The following SLC4A1 variants were observed in gnomAD, a reference collection of about 807,000 sequenced individuals.
The protein encoded by SLC4A1 is solute carrier family 4 member 1 (Diego blood group).
SLC4A1 carries 29 observed loss-of-function variants against 93.1 expected under a neutral mutation model. The ratio of observed to expected loss-of-function variants is 0.31; its 90% CI spans 0.23 to 0.42. The LOEUF is 0.42. SLC4A1 is among the 20% of genes least tolerant of loss of function. SLC4A1 has a pLI of 1.00. For missense variants in SLC4A1, 965 were observed against 1,190.1 expected (o/e 0.81, Z 2.78); for synonymous variants, 469 against 497.2 (o/e 0.94, Z 0.76).
intron 13 of SLC4A1, among the ~76,000 whole-genome samples, chr17:44,256,771 T>C (rs2047392615): frequency 6.6e-6 from 1 of 152,160 alleles, no homozygotes; most frequent in Non-Finnish European, 1.5e-5. Flanking sequence ...TCAGCAAGAG[T>C]GCTGGCCACA....
intron 17 of SLC4A1, among the ~76,000 whole-genome samples, chr17:44,251,894 T>G (rs1221219179): frequency 6.7e-6 from 1 of 149,278 alleles, no homozygotes; most frequent in Non-Finnish European, 1.5e-5. Context: ...CAACCACACC[T>G]GGATCATTTT....
Position 44,258,369 on chromosome 17 carries a change from G to T in SLC4A1, c.1087+44C>A, listed in dbSNP as rs201228471. 2,791 of 1,580,630 alleles carry T rather than the reference G, an allele frequency of 1.8e-3. 2 individuals carry two copies. Among genetic ancestry groups the T allele is most frequent in the Non-Finnish European group, 2.2e-3 (2,572 of 1,149,872 alleles). On this transcript the variant is annotated intron_variant, in intron 10 of 19. Coordinates refer to ENST00000262418, the MANE Select transcript of SLC4A1 (RefSeq NM_000342.4). The surrounding 1 kb of genome is among the most constrained non-coding windows in gnomAD (Gnocchi z 6.1). ...CAGAGGCTACGCTGAGGTGTCTGGG[G>T]GTCGGTGGGGGCTCAGAAAGCCTCA... is the stretch of plus-strand genomic sequence containing the variant.
intron 1 of SLC4A1, among the ~76,000 whole-genome samples, chr17:44,264,355 G>A (rs1200865683): frequency 6.6e-6 from 1 of 152,182 alleles, no homozygotes; most frequent in Non-Finnish European, 1.5e-5. Flanking sequence ...CTACTTGAGA[G>A]GCTGAGGTGG....
intron 1 of SLC4A1, 68 bp from the exon 2 acceptor site, chr17:44,263,002 G>A (rs888442083): frequency 3.0e-6 from 4 of 1,319,986 alleles, no homozygotes; most frequent in Middle Eastern, 2.5e-4. Context: ...TCCTCCAGAG[G>A]GGGCCACATG....
chr17:44,254,355 T>C, intron 16 of SLC4A1, 141 bp downstream of exon 16: 1 of 757,610 alleles, frequency 1.3e-6, no homozygotes. Flanking sequence ...CCCTGGCTTT[T>C]CACTATTCCT....
chr17:44,255,575 A>C (rs1048347591), intron 14 of SLC4A1, 98 bp downstream of exon 14: 27 of 1,284,506 alleles, frequency 2.1e-5, no homozygotes, highest in Admixed American at 1.0e-4. Flanking sequence ...GAATCTGAAA[A>C]AGAAGGGAAG....
In SLC4A1 at chr17:44,260,815, C is replaced by T. The variant is rs764706733; in HGVS notation, c.169G>A (p.Val57Ile). ...HTTSHPGTHKVYVELQELVMD... is the reference protein window; with the variant it reads ...HTTSHPGTHKIYVELQELVMD... Reference sequence around the variant, plus strand: ...ACCAGCTCCTGCAGCTCCACATAGACCTGTGGCCCCATGCGCCTGAGTTAG... The same window carrying T: ...ACCAGCTCCTGCAGCTCCACATAGATCTGTGGCCCCATGCGCCTGAGTTAG... The change falls in exon 5 of 20, where the codon GTC (valine) becomes ATC (isoleucine). Residue 57 changes from valine (V) to isoleucine (I), a missense_variant and splice_region_variant. By Grantham distance (29) the Val-to-Ile change is conservative. Coordinates refer to ENST00000262418, the MANE Select transcript of SLC4A1 (RefSeq NM_000342.4). 1.9e-6 allele frequency: 3 copies of T among 1,611,434 alleles called. No individual in the cohort carries two copies. The highest frequency in any genetic ancestry group is 2.2e-5 in the South Asian group (2 of 91,088).
chr17:44,250,435 G>A lies in SLC4A1; in HGVS notation c.*23C>T, dbSNP rs964390755. ...GTGGGGATGTGGAATGGTGGGGGAG[G>A]GTCTAGGGCCTGGGCCCGCCCCTCA... On this transcript the variant is annotated 3_prime_UTR_variant, in exon 20 of 20. Transcript: ENST00000262418. 3.8e-6 allele frequency: 6 copies of A among 1,586,550 alleles called. No homozygotes were observed. In the Admixed American group the frequency reaches 5.0e-5, roughly 13 times the overall value.
Position 44,255,800 on chromosome 17 carries a change from A to G in SLC4A1, c.1673T>C (p.Leu558Ser). 1 of 1,614,176 alleles carries G rather than the reference A, an allele frequency of 6.2e-7. No individual in the cohort carries two copies. The highest frequency in any genetic ancestry group is 2.2e-5 in the East Asian group (1 of 44,882). The change falls in exon 14 of 20, where the codon TTG becomes TCG. Residue 558 changes from leucine (L) to serine (S), a missense_variant. Physicochemically the swap from Leu to Ser is moderately radical, Grantham distance 145. Around this residue, in one of 2 missense-constraint regions of SLC4A1, gnomAD observed 770 missense variants for 1,006.6 expected, o/e 0.76. Coordinates refer to ENST00000262418, the MANE Select transcript of SLC4A1 (RefSeq NM_000342.4). ...PLQKTYNYNV[L>S]MVPKPQGPLP... ...GGGGCCCTGAGGTTTGGGCACCATC[A>G]ACACGTTGTAGTTATAAGTCTTCTG...
At chr17:44,254,781 T>C in intron 15 of SLC4A1, 119 bp from the exon 16 acceptor site, 3 of 793,730 alleles carry the variant, frequency 3.8e-6, no homozygotes, top group East Asian at 2.7e-5. Context: ...GGGAACTTAC[T>C]TATATTGAGC....
In SLC4A1 at chr17:44,249,980, G is replaced by GT. The variant is rs1329244105; in HGVS notation, c.*477dup. On this transcript the variant is annotated 3_prime_UTR_variant, in exon 20 of 20. Coordinates refer to ENST00000262418, the MANE Select transcript of SLC4A1 (RefSeq NM_000342.4). ...GAGTTTACAAAGCCCTATTTTACAT[G>GT]TATCTTTGGTCCTCAGTAACCATCC... 1 of 199,290 alleles carries GT rather than the reference G, an allele frequency of 5.0e-6. No individual in the cohort carries two copies. Among genetic ancestry groups the GT allele is most frequent in the Non-Finnish European group, 1.0e-5 (1 of 95,638 alleles). 12.3% of individuals were successfully genotyped at this position (199,290 alleles called of 1,614,324 possible). A position where few individuals can be genotyped will look rare whatever the true frequency, so the allele number is the denominator to read the frequency against.
intron 6 of SLC4A1, among the ~76,000 whole-genome samples, 172 bp downstream of exon 6, chr17:44,260,232 A>G (rs2144619525): frequency 6.6e-6 from 1 of 152,334 alleles, no homozygotes; most frequent in African/African-American, 2.4e-5. Flanking sequence ...CTCTGAGCAT[A>G]GGACATGGCC....
In SLC4A1 at chr17:44,249,830, A is replaced by C. The variant is rs1598294381; in HGVS notation, c.*628T>G. On this transcript the variant is annotated 3_prime_UTR_variant, in exon 20 of 20. Transcript: ENST00000262418. The stretch of plus-strand genomic sequence containing the variant: ...TGGACGCATGACTGACAGAGGACAG[A>C]GCTCGGACCTTGAAATCAGAAGGCC... 6.4e-6 allele frequency: 1 copy of C among 157,062 alleles called. No homozygotes were observed. Among genetic ancestry groups the C allele is most frequent in the East Asian group, 1.9e-4 (1 of 5,272 alleles). 9.7% of individuals were successfully genotyped at this position (157,062 alleles called of 1,614,324 possible). A position where few individuals can be genotyped will look rare whatever the true frequency, so the allele number is the denominator to read the frequency against.
chr17:44,252,214 C>T (rs1266479091), intron 17 of SLC4A1, among the ~76,000 whole-genome samples: 1 of 151,994 alleles, frequency 6.6e-6, no homozygotes, highest in Non-Finnish European at 1.5e-5. Context: ...CGACACCACG[C>T]CCAGCTGATT....
At position 44,261,638 on chromosome 17, in the gene SLC4A1, T is replaced by C. The variant is rs747232478; in HGVS notation, c.107-2A>G. Reference sequence around the variant, plus strand: ...TGGCTGTTGCCTCGGTGTCGTGAGCTGAAAACCAGAGGTCGGTTAGTATTG... The same window carrying C: ...TGGCTGTTGCCTCGGTGTCGTGAGCCGAAAACCAGAGGTCGGTTAGTATTG... On this transcript the variant is annotated splice_acceptor_variant, in intron 3 of 19. Transcript: ENST00000262418. LOFTEE classifies it high-confidence loss of function. The C allele has an allele frequency of 1.2e-6, 2 of 1,614,070 alleles. No homozygotes were observed. Among genetic ancestry groups the C allele is most frequent in the Non-Finnish European group, 1.7e-6 (2 of 1,179,988 alleles).
At chr17:44,264,883 C>T (rs549604129) in intron 1 of SLC4A1, among the ~76,000 whole-genome samples, 2 of 151,960 alleles carry the variant, frequency 1.3e-5, no homozygotes, top group Non-Finnish European at 2.9e-5. Flanking sequence ...CCTCCTCGCC[C>T]ACTACAGCAC....
Position 44,255,736 on chromosome 17 carries a change from G to T in SLC4A1, c.1737C>A (p.Ala579=), listed in dbSNP as rs773192966. 10 of 1,614,114 alleles carry T rather than the reference G, an allele frequency of 6.2e-6. No homozygotes were observed. The highest frequency in any genetic ancestry group is 6.8e-6 in the Non-Finnish European group (8 of 1,180,032). ...NTALLSLVLM[A]GTFFFAMMLR... is the part of the protein sequence containing the mutation. ...GCATCATGGCAAAGAAGAAGGTACC[G>T]GCCATGAGCACAAGGGAGAGGAGGG... Residue 579 remains alanine, a synonymous_variant, in exon 14 of 20, where the codon GCC becomes GCA. Transcript: ENST00000262418.
chr17:44,257,386 G>A lies in SLC4A1; in HGVS notation c.1590C>T (p.Leu530=), dbSNP rs758624231. The change falls in exon 13 of 20, where the codon CTC becomes CTT. Residue 530 remains leucine (L), a synonymous_variant. Coordinates refer to ENST00000262418, the MANE Select transcript of SLC4A1 (RefSeq NM_000342.4). ...TQEIFSFLIS[L]IFIYETFSKL... is the part of the protein sequence containing the mutation. The stretch of plus-strand genomic sequence containing the variant: ...TGGAGAAAGTCTCATAGATGAAGAT[G>A]AGGGAAATGAGGAAGGAGAAGATCT... The A allele has an allele frequency of 1.9e-6, 3 of 1,614,030 alleles. No individual in the cohort carries two copies. Among genetic ancestry groups the A allele is most frequent in the Non-Finnish European group, 2.5e-6 (3 of 1,180,024 alleles).
intron 2 of SLC4A1, 62 bp from the exon 3 acceptor site, chr17:44,262,788 G>C (rs2047457936): frequency 1.2e-6 from 2 of 1,608,854 alleles, no homozygotes; most frequent in Non-Finnish European, 1.7e-6. Flanking sequence ...ACGAAGATAG[G>C]AGTCTAGGAC....
Sources: allele counts gnomAD v4.1 joint callset (sites outside exome capture counted in the v4.1 genomes callset), GRCh38; gene constraint gnomAD v4.1.1; regional missense constraint gnomAD v4.1.1; non-coding constraint Gnocchi (gnomAD v3.1); transcripts MANE v1.5; gene names NCBI Gene and HGNC (gene_info 2026-07-23, HGNC 2026-07-21).